Variants in MAPRE2 observed in about 807,000 individuals in gnomAD.
MAPRE2 encodes the protein microtubule-associated protein RP/EB family member 2.
In MAPRE2, 13 loss-of-function variants were observed where a neutral mutation model predicts 43.2. The observed-to-expected ratio is 0.30, with a 90% CI of 0.20 to 0.48. MAPRE2 has a LOEUF of 0.48. Ranked by LOEUF, MAPRE2 falls within the 20% of genes least tolerant of loss-of-function variation. MAPRE2 has a pLI of 0.99. For synonymous variants in MAPRE2, 135 were observed against 148.8 expected (o/e 0.91, Z 0.68); for missense variants, 161 against 400.2 (o/e 0.40, Z 5.10).
At chr18:34,982,374 T>C (rs536559003) in intron 1 of MAPRE2, among the ~76,000 whole-genome samples, 2 of 152,150 alleles carry the variant, frequency 1.3e-5, no homozygotes, top group Non-Finnish European at 2.9e-5. Context: ...TACCTAGTGC[T>C]TCTTCACTAA....
chr18:35,010,225 C>T (rs1165881637), intron 2 of MAPRE2, among the ~76,000 whole-genome samples: 1 of 151,602 alleles, frequency 6.6e-6, no homozygotes, highest in African/African-American at 2.4e-5. Flanking sequence ...CATCTCTCTA[C>T]AAAAAAAATA....
intron 3 of MAPRE2, 143 bp downstream of exon 3, chr18:35,097,734 T>G: frequency 1.5e-6 from 1 of 652,044 alleles, no homozygotes. Flanking sequence ...GCATAAAGCA[T>G]CACCCTAAGT....
chr18:35,116,423 G>A (rs760648183), intron 4 of MAPRE2, among the ~76,000 whole-genome samples: 7 of 152,206 alleles, frequency 4.6e-5, no homozygotes, highest in Non-Finnish European at 8.8e-5. Flanking sequence ...TTCACAGATT[G>A]TAAAGTCCAG....
chr18:35,017,308 G>A (rs2150585860), intron 2 of MAPRE2, among the ~76,000 whole-genome samples: 1 of 131,310 alleles, frequency 7.6e-6, no homozygotes, highest in African/African-American at 2.9e-5. Context: ...GGTTCCATAT[G>A]GAATTTTATA....
At chr18:35,124,116 G>C (rs913568280) in intron 4 of MAPRE2, among the ~76,000 whole-genome samples, 6 of 152,248 alleles carry the variant, frequency 3.9e-5, no homozygotes, top group Non-Finnish European at 8.8e-5. Flanking sequence ...CCCAAGACAG[G>C]ATAATTTATA....
intron 4 of MAPRE2, among the ~76,000 whole-genome samples, chr18:35,118,441 T>A (rs1054423813): frequency 6.6e-6 from 1 of 152,100 alleles, no homozygotes; most frequent in African/African-American, 2.4e-5. Context: ...AAAACATAGG[T>A]TTTGTGAAAT....
At chr18:35,037,554 G>T (rs963517254), upstream of MAPRE2, among the ~76,000 whole-genome samples, 2 of 152,200 alleles carry the variant, frequency 1.3e-5, no homozygotes, top group African/African-American at 4.8e-5. Context: ...GCAATGGTCA[G>T]CACATGCTTT....
intron 1 of MAPRE2, among the ~76,000 whole-genome samples, chr18:35,058,310 A>G (rs953062964): frequency 6.6e-6 from 1 of 152,186 alleles, no homozygotes; most frequent in Admixed American, 6.5e-5. Context: ...TCATTTCAAA[A>G]TGTTCTCATG....
chr18:35,078,541 A>C (rs1019571081), intron 2 of MAPRE2, among the ~76,000 whole-genome samples: 6 of 152,186 alleles, frequency 3.9e-5, no homozygotes, highest in African/African-American at 1.4e-4. Flanking sequence ...TTATGAGGCT[A>C]AAAGCTCCAA....
chr18:35,047,323 A>G (rs1472749677), intron 1 of MAPRE2, among the ~76,000 whole-genome samples: 1 of 152,226 alleles, frequency 6.6e-6, no homozygotes, highest in Non-Finnish European at 1.5e-5. Context: ...CTGTAATACT[A>G]CATTGAGTAT....
chr18:35,070,986 ACT>A (rs1907091524), intron 2 of MAPRE2, among the ~76,000 whole-genome samples: 1 of 152,048 alleles, frequency 6.6e-6, no homozygotes, highest in East Asian at 1.9e-4. Context: ...TTCCTGAAAC[ACT>A]GTGCTCATCC....
intron 6 of MAPRE2, among the ~76,000 whole-genome samples, chr18:35,138,429 C>G (rs982214395): frequency 6.6e-6 from 1 of 152,044 alleles, no homozygotes; most frequent in Non-Finnish European, 1.5e-5. Flanking sequence ...AGGGGCCTGT[C>G]GGCACGGTAA....
At chr18:35,038,631 CT>C (rs1403331490), upstream of MAPRE2, among the ~76,000 whole-genome samples, 1 of 152,140 alleles carries the variant, frequency 6.6e-6, no homozygotes, top group African/African-American at 2.4e-5. Flanking sequence ...GAATTCTTCC[CT>C]CATCCTTCCT....
chr18:35,020,551 C>CAA (rs34608748), intron 2 of MAPRE2, among the ~76,000 whole-genome samples: 8 of 143,932 alleles, frequency 5.6e-5, no homozygotes, highest in African/African-American at 2.1e-4. Context: ...CTTGGCTTGT[C>CAA]AAAAAAAAAA....
At chr18:35,037,765 T>C (rs1292587840), upstream of MAPRE2, among the ~76,000 whole-genome samples, 1 of 152,174 alleles carries the variant, frequency 6.6e-6, no homozygotes, top group Non-Finnish European at 1.5e-5. Context: ...TATTACAGCC[T>C]CTTCCATTTT....
At chr18:35,017,333 C>A (rs2097039082) in intron 2 of MAPRE2, among the ~76,000 whole-genome samples, 1 of 109,146 alleles carries the variant, frequency 9.2e-6, no homozygotes, top group Non-Finnish European at 1.9e-5. Flanking sequence ...TTTTCTAGTT[C>A]TTTGAAAAAA....
At chr18:35,094,181 C>T (rs1908296910) in intron 2 of MAPRE2, among the ~76,000 whole-genome samples, 1 of 152,136 alleles carries the variant, frequency 6.6e-6, no homozygotes, top group Non-Finnish European at 1.5e-5. Context: ...TTGATCATTA[C>T]ACAATGTATA....
At chr18:35,078,649 AG>A (rs1907487304) in intron 2 of MAPRE2, among the ~76,000 whole-genome samples, 2 of 152,190 alleles carry the variant, frequency 1.3e-5, no homozygotes, top group African/African-American at 4.8e-5. Context: ...GATGCAACGA[AG>A]GGTTCACTGT....
intron 2 of MAPRE2, among the ~76,000 whole-genome samples, chr18:35,007,145 C>T (rs775534707): frequency 1.3e-5 from 2 of 152,148 alleles, no homozygotes; most frequent in Non-Finnish European, 2.9e-5. Flanking sequence ...TCTATAGCTG[C>T]GGATCATAAG....
Sources: gnomAD v4.1 joint callset for allele counts (sites outside exome capture counted in the v4.1 genomes callset) on GRCh38, gnomAD v4.1.1 for gene constraint, MANE v1.5 for transcripts, NCBI Gene and HGNC (gene_info 2026-07-23, HGNC 2026-07-21) for gene names.